Variants in UPK3B observed in about 807,000 individuals in gnomAD.
The protein encoded by UPK3B is uroplakin 3B, also known as uroplakin-3b.
A neutral mutation model predicts 27.6 loss-of-function variants in UPK3B; 21 were observed. That is an observed-to-expected ratio of 0.76 (90% CI 0.54 to 1.10). UPK3B has a LOEUF of 1.10. Among genes scored for constraint, UPK3B ranks in the 50% least tolerant of loss-of-function variants. The pLI is 0.00. For synonymous variants in UPK3B, 141 were observed against 162.3 expected, an observed-to-expected ratio of 0.87 and a Z score of 1.00; for missense variants, 306 against 376.1, an observed-to-expected ratio of 0.81 and a Z score of 1.54.
chr7:76,514,899 C>G, intron 5 of UPK3B, 146 bp from the exon 6 acceptor site: 1 of 1,064,634 alleles, frequency 9.4e-7, no homozygotes, highest in Non-Finnish European at 1.3e-6. Flanking sequence ...GAGCCAGACT[C>G]CATCTCAAAA....
At chr7:76,512,957 C>A in intron 3 of UPK3B, 127 bp from the exon 4 acceptor site, 2 of 728,012 alleles carry the variant, frequency 2.7e-6, no homozygotes, top group Non-Finnish European at 4.7e-6. Flanking sequence ...GGCTGCTGCT[C>A]TTGACGGGCA....
At chr7:76,511,088 C>T (rs201994820) in intron 2 of UPK3B, 36 bp downstream of exon 2, 22,703 of 1,546,096 alleles carry the variant, frequency 0.015, 273 homozygotes, top group Non-Finnish European at 0.017. Flanking sequence ...GTGAGGGTGA[C>T]GGCTGAGGAG....
At position 76,511,732 on chromosome 7, in the gene UPK3B, A is replaced by G. The variant is rs1421390660; in HGVS notation, c.311A>G (p.Tyr104Cys). 2.5e-6 allele frequency: 4 copies of G among 1,611,540 alleles called. No homozygotes were observed. Among genetic ancestry groups the G allele is most frequent in the East Asian group, 4.5e-5 (2 of 44,846 alleles). ...ASPQLLTDGH[Y>C]MTLPLSPDQL... is the part of the protein sequence containing the mutation. The stretch of plus-strand genomic sequence containing the variant: ...CCACAGCTGCTGACCGATGGCCACT[A>G]CATGACGCTGCCCCTGTCTCCGGAC... Residue 104 changes from tyrosine (Y) to cysteine (C), a missense_variant, in exon 3 of 6, where the codon TAC (tyrosine) becomes TGC (cysteine). Physicochemically the swap from Tyr to Cys is radical, Grantham distance 194. Transcript: ENST00000334348.
At chr7:76,514,194 C>T (rs1812648189) in intron 5 of UPK3B, 118 bp downstream of exon 5, 2 of 1,484,090 alleles carry the variant, frequency 1.3e-6, no homozygotes, top group Admixed American at 3.5e-5. Context: ...TTGGTAGAGA[C>T]AGGGACTTGC....
rs1812684428 is a variant in UPK3B at position 76,515,074 on chromosome 7, C to T, written c.701C>T (p.Pro234Leu). ...FSSLWWPEEA[P>L]EQLRIGSFMG... The stretch of plus-strand genomic sequence containing the variant: ...AGCCTGTGGTGGCCGGAGGAGGCCC[C>T]GGAGCAGCTGCGGATCGGCTCCTTC... The change falls in exon 6 of 6, where the codon CCG (proline) becomes CTG (leucine). Residue 234 changes from proline (P) to leucine (L), a missense_variant. This residue lies in a region of UPK3B where 174 missense variants were observed against 166.6 expected (regional missense o/e 1.04). Transcript: ENST00000334348. 11 of 1,596,344 alleles carry T rather than the reference C, an allele frequency of 6.9e-6. No homozygotes were observed. Among genetic ancestry groups the T allele is most frequent in the South Asian group, 2.3e-5 (2 of 88,258 alleles).
intron 2 of UPK3B, 100 bp downstream of exon 2, chr7:76,511,152 C>T: frequency 1.5e-6 from 2 of 1,303,276 alleles, no homozygotes; most frequent in Non-Finnish European, 2.1e-6. Context: ...GATTGAGCCC[C>T]TGTGGGGGCC....
At chr7:76,512,096 T>C (rs1812553961) in intron 3 of UPK3B, among the ~76,000 whole-genome samples, 2 of 152,016 alleles carry the variant, frequency 1.3e-5, no homozygotes, top group Non-Finnish European at 1.5e-5. Context: ...GGTGGGCACC[T>C]TGGGGAGGCG....
chr7:76,512,866 G>A (rs1394076333), intron 3 of UPK3B, among the ~76,000 whole-genome samples: 1 of 152,026 alleles, frequency 6.6e-6, no homozygotes, highest in Non-Finnish European at 1.5e-5. Flanking sequence ...GAGAGCAATT[G>A]CTCGGGGGGA....
At position 76,513,169 on chromosome 7, in the gene UPK3B, G is replaced by A. The variant is rs891137654; in HGVS notation, c.541+6G>A. On this transcript the variant is annotated splice_donor_region_variant and intron_variant, in intron 4 of 5. Transcript: ENST00000334348. ...CCCCATCACTCTCCACCAAGGTAGCGCTGGGCAGGAGGGGCGCTGCCCCCA... is the reference window on the plus strand; with the variant it reads ...CCCCATCACTCTCCACCAAGGTAGCACTGGGCAGGAGGGGCGCTGCCCCCA... 1.3e-5 allele frequency: 21 copies of A among 1,613,100 alleles called. No individual in the cohort carries two copies. Among genetic ancestry groups the A allele is most frequent in the Non-Finnish European group, 1.8e-5 (21 of 1,179,664 alleles).
At chr7:76,511,341 C>T (rs1179272218) in intron 2 of UPK3B, among the ~76,000 whole-genome samples, 1 of 152,226 alleles carries the variant, frequency 6.6e-6, no homozygotes, top group Non-Finnish European at 1.5e-5. Flanking sequence ...GGACAGGGAA[C>T]CGAGGCTGCG....
In UPK3B at chr7:76,515,316, C is replaced by A. The variant is rs937223970; in HGVS notation, c.*112C>A. Reference sequence around the variant, plus strand: ...CCCTCAGGGCTCCTTGCCTTTCCCCCCCACCAGCACACCCCGTACCCTGCC... The same window carrying A: ...CCCTCAGGGCTCCTTGCCTTTCCCCACCACCAGCACACCCCGTACCCTGCC... On this transcript the variant is annotated 3_prime_UTR_variant, in exon 6 of 6. Transcript: ENST00000334348. The A allele has an allele frequency of 1.4e-5, 22 of 1,520,878 alleles. No homozygotes were observed. In the African/African-American group the frequency reaches 1.9e-4, roughly 13 times the overall value. 94.2% of individuals were successfully genotyped at this position (1,520,878 alleles called of 1,614,324 possible).
intron 5 of UPK3B, among the ~76,000 whole-genome samples, 168 bp downstream of exon 5, chr7:76,514,244 G>A (rs559873511): frequency 3.9e-5 from 6 of 152,272 alleles, no homozygotes; most frequent in Non-Finnish European, 7.4e-5. Flanking sequence ...GGGCTCAAGC[G>A]ATCCTCCCGT....
chr7:76,515,021 C>A, intron 5 of UPK3B, 24 bp from the exon 6 acceptor site: 1 of 1,552,964 alleles, frequency 6.4e-7, no homozygotes. Context: ...ACATATGTCT[C>A]TTCCTCCTCC....
intron 1 of UPK3B, 42 bp from the exon 2 acceptor site, chr7:76,510,861 C>G (rs375482305): frequency 6.3e-7 from 1 of 1,598,786 alleles, no homozygotes; most frequent in African/African-American, 1.3e-5. Context: ...GGGACCCCCA[C>G]GCCCGTCTCC....
rs1274117686 is a variant in UPK3B, at chr7:76,515,328, C to A, written c.*124C>A. On this transcript the variant is annotated 3_prime_UTR_variant, in exon 6 of 6. Transcript: ENST00000334348. ...CTTGCCTTTCCCCCCCACCAGCACA[C>A]CCCGTACCCTGCCTGGAATCCCAGC... 6 of 1,510,912 alleles carry A rather than the reference C, an allele frequency of 4.0e-6. No individual in the cohort carries two copies. In the African/African-American group the frequency reaches 5.5e-5, roughly 14 times the overall value. 93.6% of individuals were successfully genotyped at this position (1,510,912 alleles called of 1,614,324 possible). A position where few individuals can be genotyped will look rare whatever the true frequency, so the allele number is the denominator to read the frequency against.
chr7:76,514,093 C>A lies in UPK3B; in HGVS notation c.671+17C>A, dbSNP rs766586426. On this transcript the variant is annotated intron_variant, in intron 5 of 5. Coordinates refer to ENST00000334348, the MANE Select transcript of UPK3B (RefSeq NM_001347684.2). The stretch of plus-strand genomic sequence containing the variant: ...CATGCGCTTGTGAGTGGGGACACCC[C>A]CTCGGGCCCCTCTCCCACCCAGAAC... The A allele has an allele frequency of 6.2e-6, 10 of 1,613,934 alleles. No individual in the cohort carries two copies. The Admixed American group carries it at 1.7e-4, about 27-fold the overall frequency.
chr7:76,514,093 C>T lies in UPK3B; in HGVS notation c.671+17C>T. 6.2e-7 allele frequency: 1 copy of T among 1,613,934 alleles called. No individual in the cohort carries two copies. On this transcript the variant is annotated intron_variant, in intron 5 of 5. Coordinates refer to ENST00000334348, the MANE Select transcript of UPK3B (RefSeq NM_001347684.2). ...CATGCGCTTGTGAGTGGGGACACCC[C>T]CTCGGGCCCCTCTCCCACCCAGAAC... is the stretch of plus-strand genomic sequence containing the variant.
chr7:76,510,826 C>A, intron 1 of UPK3B, 77 bp from the exon 2 acceptor site: 1 of 1,602,904 alleles, frequency 6.2e-7, no homozygotes, highest in Non-Finnish European at 8.5e-7. Context: ...CGCCCGCCCC[C>A]CTCCGATTGG....
intron 3 of UPK3B, among the ~76,000 whole-genome samples, 174 bp downstream of exon 3, chr7:76,512,056 G>A (rs1440610187): frequency 6.6e-6 from 1 of 151,676 alleles, no homozygotes; most frequent in South Asian, 2.1e-4. Flanking sequence ...GCTCACCCCC[G>A]CTGGGGCCGG....
Sources: gnomAD v4.1 joint callset for allele counts (sites outside exome capture counted in the v4.1 genomes callset) on GRCh38, gnomAD v4.1.1 for gene constraint, gnomAD v4.1.1 regional missense constraint, MANE v1.5 for transcripts, NCBI Gene and HGNC (gene_info 2026-07-23, HGNC 2026-07-21) for gene names.